The following AGBL4 variants were observed in gnomAD, a reference collection of about 807,000 sequenced individuals.
AGBL4 encodes cytosolic carboxypeptidase 6.
Under a neutral mutation model 66.4 loss-of-function variants are expected in AGBL4, and 58 were observed. The ratio of observed to expected loss-of-function variants is 0.87; its 90% confidence interval spans 0.71 to 1.09. AGBL4 has a LOEUF of 1.09. Ranked by LOEUF, AGBL4 falls within the 50% of genes least tolerant of loss-of-function variation. The pLI, the probability that AGBL4 is intolerant of heterozygous loss-of-function variation, is 0.00. For synonymous variants in AGBL4, 234 were observed against 222.9 expected, an observed-to-expected ratio of 1.05 and a Z score of -0.44; for missense variants, 579 against 631.0, an observed-to-expected ratio of 0.92 and a Z score of 0.88.
intron 9 of AGBL4, among the ~76,000 whole-genome samples, chr1:48,594,590 C>T (rs1644967997): frequency 6.6e-6 from 1 of 152,054 alleles, no homozygotes; most frequent in African/African-American, 2.4e-5. Flanking sequence ...CACAGTTTAT[C>T]CATCTTTTCT....
intron 6 of AGBL4, among the ~76,000 whole-genome samples, chr1:48,793,030 G>A (rs528117403): frequency 1.3e-5 from 2 of 152,260 alleles, no homozygotes; most frequent in South Asian, 2.1e-4. Flanking sequence ...TCCACATGAC[G>A]AACTCTTGGA....
intron 3 of AGBL4, among the ~76,000 whole-genome samples, chr1:49,552,263 C>T (rs1272914580): frequency 6.6e-6 from 1 of 152,170 alleles, no homozygotes; most frequent in African/African-American, 2.4e-5. Context: ...TGGTTCTTCC[C>T]CCGCCTGTGG....
At chr1:49,052,078 GATT>G (rs780463756) in intron 4 of AGBL4, among the ~76,000 whole-genome samples, 1 of 64,794 alleles carries the variant, frequency 1.5e-5, no homozygotes, top group African/African-American at 4.6e-5. Context: ...TATATGTAGG[GATT>G]TTTTTTTTTT....
At chr1:49,808,065 C>G (rs1645014697) in intron 2 of AGBL4, among the ~76,000 whole-genome samples, 1 of 152,098 alleles carries the variant, frequency 6.6e-6, no homozygotes, top group South Asian at 2.1e-4. Context: ...TTATAGCAAC[C>G]TAAACAGACT....
chr1:49,844,788 G>A, intron 2 of AGBL4: 1 of 1,576,246 alleles, frequency 6.3e-7, no homozygotes, highest in East Asian at 2.2e-5. Context: ...GATTCCTCTG[G>A]GATGGTCTGT....
intron 3 of AGBL4, among the ~76,000 whole-genome samples, chr1:49,448,556 C>T (rs1221783040): frequency 6.6e-6 from 1 of 152,034 alleles, no homozygotes; most frequent in African/African-American, 2.4e-5. Context: ...ATAGGTCAGG[C>T]CAAGGTCAAA....
chr1:49,127,585 C>G (rs1645792090), intron 4 of AGBL4, among the ~76,000 whole-genome samples: 1 of 152,000 alleles, frequency 6.6e-6, no homozygotes, highest in African/African-American at 2.4e-5. Flanking sequence ...TTCCAAAGTG[C>G]ATACAAGGGT....
intron 3 of AGBL4, among the ~76,000 whole-genome samples, chr1:49,657,639 G>A: frequency 6.6e-6 from 1 of 152,116 alleles, no homozygotes; most frequent in East Asian, 1.9e-4. Flanking sequence ...AAAACAGCAT[G>A]GTACTGGTAC....
chr1:48,739,767 T>C (rs1403081757), intron 6 of AGBL4, among the ~76,000 whole-genome samples: 8 of 152,232 alleles, frequency 5.3e-5, no homozygotes, highest in Non-Finnish European at 1.0e-4. Flanking sequence ...CCCCTCCCCA[T>C]GTTTCCGCTC....
chr1:48,887,657 C>T (rs1029360877), intron 5 of AGBL4, among the ~76,000 whole-genome samples: 13 of 152,092 alleles, frequency 8.5e-5, no homozygotes, highest in Non-Finnish European at 7.4e-5. Flanking sequence ...TACCTAACAC[C>T]CTTGGCCTAA....
At chr1:48,749,598 C>T (rs1486683929) in intron 6 of AGBL4, among the ~76,000 whole-genome samples, 2 of 152,174 alleles carry the variant, frequency 1.3e-5, no homozygotes, top group Non-Finnish European at 2.9e-5. Context: ...CTAATGCTCA[C>T]TCTGTGGGAC....
intron 3 of AGBL4, among the ~76,000 whole-genome samples, chr1:49,572,774 G>A (rs1265451028): frequency 1.3e-5 from 2 of 152,162 alleles, no homozygotes; most frequent in East Asian, 1.9e-4. Flanking sequence ...TGAATTGAAG[G>A]ATACAAAGTA....
At chr1:48,693,731 C>T (rs1205506222) in intron 6 of AGBL4, among the ~76,000 whole-genome samples, 1 of 152,200 alleles carries the variant, frequency 6.6e-6, no homozygotes, top group Non-Finnish European at 1.5e-5. Context: ...CTTCACAGAA[C>T]AGCCGTGGAC....
chr1:49,343,527 A>G (rs1024568421), intron 3 of AGBL4, among the ~76,000 whole-genome samples: 8 of 152,208 alleles, frequency 5.3e-5, no homozygotes, highest in African/African-American at 1.9e-4. Flanking sequence ...AAACTCCCCC[A>G]CCACCAGAGG....
rs142157632 is a variant in AGBL4, at chr1:48,869,699, C to G, written c.595-2469G>C. ...TCAGTGACTGGGAGCCAAACGCAAC[C>G]AGGTAGTGTGCTTACAGGCTCCCTC... On this transcript the variant is annotated intron_variant, in intron 5 of 13. Coordinates refer to ENST00000371839, the MANE Select transcript of AGBL4 (RefSeq NM_032785.4). 2.6e-5 allele frequency among the ~76,000 whole-genome samples: 4 copies of G among 152,260 alleles called. No individual in the cohort carries two copies. In the East Asian group the frequency reaches 7.8e-4, roughly 30 times the overall value.
At chr1:49,817,571 G>A (rs1430168336) in intron 2 of AGBL4, among the ~76,000 whole-genome samples, 4 of 151,990 alleles carry the variant, frequency 2.6e-5, no homozygotes, top group African/African-American at 9.7e-5. Flanking sequence ...CTATTCCTAA[G>A]TAATATTAAG....
At chr1:49,171,759 T>G (rs189853749) in intron 4 of AGBL4, among the ~76,000 whole-genome samples, 3 of 152,282 alleles carry the variant, frequency 2.0e-5, no homozygotes, top group Admixed American at 2.0e-4. Context: ...GACACTCACT[T>G]TTTCCTCTGT....
At chr1:49,973,354 A>C (rs1350277163) in intron 1 of AGBL4, among the ~76,000 whole-genome samples, 1 of 152,110 alleles carries the variant, frequency 6.6e-6, no homozygotes, top group African/African-American at 2.4e-5. Flanking sequence ...TGACTATTTA[A>C]ATTTAAAATG....
In AGBL4 at chr1:49,430,303, C is replaced by T. The variant is rs185348281; in HGVS notation, c.283-184439G>A. On this transcript the variant is annotated intron_variant, in intron 3 of 13. Coordinates refer to ENST00000371839, the MANE Select transcript of AGBL4 (RefSeq NM_032785.4). ...GTCCCAGGCTCCCTTCTCTGATTCC[C>T]AAGTCCACACAATCTAGCTTGGGTG... 4.6e-5 allele frequency among the ~76,000 whole-genome samples: 7 copies of T among 152,246 alleles called. No homozygotes were observed. In the East Asian group the frequency reaches 1.4e-3, roughly 29 times the overall value.
Sources: allele counts gnomAD v4.1 joint callset (sites outside exome capture counted in the v4.1 genomes callset), GRCh38; gene constraint gnomAD v4.1.1; transcripts MANE v1.5; gene names NCBI Gene and HGNC (gene_info 2026-07-23, HGNC 2026-07-21).